Variants in SORCS2 observed in about 807,000 individuals in gnomAD.
SORCS2 encodes sortilin related VPS10 domain containing receptor 2.
SORCS2 carries 100 observed loss-of-function variants against 141.6 expected under a neutral mutation model. The observed-to-expected ratio is 0.71, with a 90% CI of 0.60 to 0.83. The LOEUF (loss-of-function observed/expected upper bound fraction) is 0.83, where lower values mean the gene tolerates loss of function less well. Among genes scored for constraint, SORCS2 ranks in the 40% least tolerant of loss-of-function variants. SORCS2 has a pLI of 0.00. For synonymous variants in SORCS2, 789 were observed against 676.9 expected, an observed-to-expected ratio of 1.17 and a Z score of -2.57; for missense variants, 1,646 against 1,560.2, an observed-to-expected ratio of 1.05 and a Z score of -0.93.
intron 1 of SORCS2, among the ~76,000 whole-genome samples, chr4:7,243,761 A>G (rs570803402): frequency 7.2e-4 from 110 of 152,340 alleles, no homozygotes; most frequent in Middle Eastern, 6.8e-3. Context: ...ATCCCCCCCC[A>G]CAAACCCAAG....
intron 3 of SORCS2, among the ~76,000 whole-genome samples, chr4:7,541,464 G>A (rs749429464): frequency 1.3e-5 from 2 of 152,212 alleles, no homozygotes; most frequent in African/African-American, 2.4e-5. Flanking sequence ...TGGTCTCTGG[G>A]CAAGACTGGC....
intron 10 of SORCS2, among the ~76,000 whole-genome samples, chr4:7,688,232 G>A (rs1723996552): frequency 6.6e-6 from 1 of 152,146 alleles, no homozygotes; most frequent in Non-Finnish European, 1.5e-5. Flanking sequence ...ATGACGAGGG[G>A]ATTCTGGAAT....
At position 7,740,861 on chromosome 4, in the gene SORCS2, C is replaced by G. The variant is rs1712614293; in HGVS notation, c.*597C>G. The G allele has an allele frequency of 5.1e-6, 2 of 395,264 alleles. No homozygotes were observed. The highest frequency in any genetic ancestry group is 8.9e-6 in the Non-Finnish European group (2 of 224,566). 24.5% of individuals were successfully genotyped at this position (395,264 alleles called of 1,614,324 possible). A position where few individuals can be genotyped will look rare whatever the true frequency, so the allele number is the denominator to read the frequency against. On this transcript the variant is annotated 3_prime_UTR_variant, in exon 27 of 27. Coordinates refer to ENST00000507866, the MANE Select transcript of SORCS2 (RefSeq NM_020777.3). ...TAGCTGCTGGCGGTGGTGGGGGTGT[C>G]TCACTCTCTGTCTTTATAGCCGGCG...
At chr4:7,646,021 G>A (rs1393566597) in intron 4 of SORCS2, among the ~76,000 whole-genome samples, 1 of 152,252 alleles carries the variant, frequency 6.6e-6, no homozygotes, top group Non-Finnish European at 1.5e-5. Context: ...CCCTGCCCTA[G>A]AGTCAAACGT....
intron 1 of SORCS2, among the ~76,000 whole-genome samples, chr4:7,285,407 G>A (rs558672934): frequency 6.2e-4 from 94 of 152,344 alleles, no homozygotes; most frequent in African/African-American, 2.2e-3. Context: ...ATGGCAGAGT[G>A]GAGACATTAG....
At chr4:7,273,746 G>A (rs904927322) in intron 1 of SORCS2, among the ~76,000 whole-genome samples, 2 of 152,352 alleles carry the variant, frequency 1.3e-5, no homozygotes, top group South Asian at 4.1e-4. Flanking sequence ...TGGACATCCA[G>A]GGGTAAAAGC....
At chr4:7,571,697 G>A (rs191512806) in intron 3 of SORCS2, among the ~76,000 whole-genome samples, 233 of 152,226 alleles carry the variant, frequency 1.5e-3, no homozygotes, top group Non-Finnish European at 2.9e-3. Context: ...GGGGGCCTGT[G>A]CTAGCAGAGC....
At chr4:7,467,952 T>A (rs1729723677) in intron 2 of SORCS2, among the ~76,000 whole-genome samples, 1 of 152,234 alleles carries the variant, frequency 6.6e-6, no homozygotes, top group Non-Finnish European at 1.5e-5. Context: ...AGTGGGCTCC[T>A]GCCCAAGGGG....
intron 2 of SORCS2, chr4:7,434,355 G>C: frequency 6.2e-7 from 1 of 1,608,458 alleles, no homozygotes; most frequent in African/African-American, 1.3e-5. Context: ...GCGCCTGGCG[G>C]GGGTGGAAGG....
intron 2 of SORCS2, among the ~76,000 whole-genome samples, chr4:7,471,583 T>A (rs1577619443): frequency 6.6e-6 from 1 of 152,202 alleles, no homozygotes. Context: ...CCCTACCCCG[T>A]TCTCGGTTCC....
chr4:7,557,978 G>A (rs1714259668), intron 3 of SORCS2, among the ~76,000 whole-genome samples: 1 of 152,224 alleles, frequency 6.6e-6, no homozygotes, highest in South Asian at 2.1e-4. Context: ...AAGAAGACAA[G>A]ACATGGACTA....
chr4:7,523,427 C>G (rs1425238228), intron 2 of SORCS2, among the ~76,000 whole-genome samples: 3 of 152,158 alleles, frequency 2.0e-5, no homozygotes, highest in Non-Finnish European at 4.4e-5. Flanking sequence ...TTATTGAGTG[C>G]CAGCTGTGTG....
chr4:7,434,469 G>A (rs570122751), intron 2 of SORCS2: 4 of 1,611,438 alleles, frequency 2.5e-6, no homozygotes, highest in African/African-American at 2.7e-5. Context: ...CACAGAGGCT[G>A]AGCGCTGTGC....
intron 2 of SORCS2, among the ~76,000 whole-genome samples, chr4:7,456,169 A>G (rs928428543): frequency 4.6e-5 from 7 of 152,148 alleles, no homozygotes; most frequent in Non-Finnish European, 8.8e-5. Flanking sequence ...GGGCCACCCA[A>G]ATGTCCTCAT....
At chr4:7,406,566 G>T (rs1351739959) in intron 2 of SORCS2, among the ~76,000 whole-genome samples, 1 of 150,582 alleles carries the variant, frequency 6.6e-6, no homozygotes, top group Non-Finnish European at 1.5e-5. Flanking sequence ...GTATTTCTGT[G>T]GTCTCAGTTG....
intron 2 of SORCS2, among the ~76,000 whole-genome samples, chr4:7,507,482 C>A (rs561167299): frequency 6.6e-6 from 1 of 152,286 alleles, no homozygotes; most frequent in African/African-American, 2.4e-5. Flanking sequence ...CCGATAAATT[C>A]TTTTAAAGTT....
chr4:7,636,172 TG>T (rs1379656748), intron 3 of SORCS2, among the ~76,000 whole-genome samples: 5 of 151,802 alleles, frequency 3.3e-5, no homozygotes, highest in African/African-American at 1.2e-4. Flanking sequence ...AGGCGCACCC[TG>T]CAGTGTGTGG....
intron 10 of SORCS2, among the ~76,000 whole-genome samples, chr4:7,688,269 C>T (rs774532622): frequency 1.2e-4 from 18 of 152,188 alleles, no homozygotes; most frequent in Non-Finnish European, 2.1e-4. Flanking sequence ...GTCAGCAGGC[C>T]TCACCGTCAC....
chr4:7,275,820 A>G (rs1229911983), intron 1 of SORCS2, among the ~76,000 whole-genome samples: 3 of 152,278 alleles, frequency 2.0e-5, no homozygotes, highest in South Asian at 2.1e-4. Flanking sequence ...CTGCACTTCT[A>G]TGGAGGGTCT....
Sources: gnomAD v4.1 joint callset for allele counts (sites outside exome capture counted in the v4.1 genomes callset) on GRCh38, gnomAD v4.1.1 for gene constraint, MANE v1.5 for transcripts, NCBI Gene and HGNC (gene_info 2026-07-23, HGNC 2026-07-21) for gene names.